CRYBB1: variants seen among roughly 807,000 people sequenced by gnomAD.
CRYBB1 encodes the protein crystallin beta B1, also known as beta-crystallin B1.
Under a neutral mutation model 29.5 loss-of-function variants are expected in CRYBB1, and 16 were observed. The ratio of observed to expected loss-of-function variants is 0.54; its 90% CI spans 0.37 to 0.82. CRYBB1 has a LOEUF of 0.82. Among genes scored for constraint, CRYBB1 ranks in the 40% least tolerant of loss-of-function variants. The probability of loss-of-function intolerance (pLI) is 0.00; values close to 1 mark genes in which losing one functional copy is unlikely to be tolerated. For missense variants in CRYBB1, 300 were observed against 350.5 expected (o/e 0.86, Z 1.15); for synonymous variants, 127 against 136.7 (o/e 0.93, Z 0.49).
intron 2 of CRYBB1, 116 bp from the exon 3 acceptor site, chr22:26,612,306 C>T (rs1929199612): frequency 2.8e-6 from 2 of 707,292 alleles, no homozygotes; most frequent in Non-Finnish European, 5.1e-6. Flanking sequence ...TGTGATGAGC[C>T]ACAGTTTGTG....
intron 2 of CRYBB1, 21 bp from the exon 3 acceptor site, chr22:26,612,211 T>C: frequency 6.4e-7 from 1 of 1,555,708 alleles, no homozygotes; most frequent in South Asian, 1.1e-5. Flanking sequence ...GAAGCCCCCA[T>C]GCCAAGGGCA....
Position 26,602,429 on chromosome 22 carries a change from A to T in CRYBB1, c.433-408T>A, listed in dbSNP as rs531563286. On this transcript the variant is annotated intron_variant, in intron 4 of 5. Coordinates refer to ENST00000647684, the MANE Select transcript of CRYBB1 (RefSeq NM_001887.4). ...CAAGATCCTGTCTCTCAAAAAAATA[A>T]TTTTTTTTTTAATTTGCCAGGCATG... is the stretch of plus-strand genomic sequence containing the variant. Among the ~76,000 whole-genome samples, 170 of 149,858 alleles carry T rather than the reference A, an allele frequency of 1.1e-3. 1 individual carries two copies. The highest frequency in any genetic ancestry group is 3.3e-3 in the African/African-American group (135 of 40,798).
intron 4 of CRYBB1, among the ~76,000 whole-genome samples, chr22:26,606,259 G>A (rs9613228): frequency 0.25 from 38,413 of 152,024 alleles, 5,189 homozygotes; most frequent in Non-Finnish European, 0.3. Context: ...TCTAGGCTTT[G>A]AGATTTCTAA....
intron 4 of CRYBB1, among the ~76,000 whole-genome samples, chr22:26,604,613 G>A (rs1208945136): frequency 6.6e-6 from 1 of 152,124 alleles, no homozygotes; most frequent in African/African-American, 2.4e-5. Flanking sequence ...AGGGAAGGAG[G>A]GTTGAGGGAA....
chr22:26,601,311 G>C (rs3830148), intron 5 of CRYBB1, among the ~76,000 whole-genome samples: 26,870 of 152,040 alleles, frequency 0.18, 3,114 homozygotes, highest in East Asian at 0.37. Flanking sequence ...GCTCCGTTTT[G>C]ATAGCTTCAG....
chr22:26,614,371 T>C (rs866186153), intron 2 of CRYBB1, among the ~76,000 whole-genome samples: 2 of 152,218 alleles, frequency 1.3e-5, no homozygotes, highest in South Asian at 4.1e-4. Flanking sequence ...TTTTTCTCTT[T>C]TGTACTCTGT....
At chr22:26,610,391 G>A (rs886780315) in intron 3 of CRYBB1, among the ~76,000 whole-genome samples, 3 of 151,994 alleles carry the variant, frequency 2.0e-5, no homozygotes, top group South Asian at 2.1e-4. Context: ...CCAGGCCCCC[G>A]GACCACAGGC....
At chr22:26,600,679 G>A (rs5761619) in intron 5 of CRYBB1, among the ~76,000 whole-genome samples, 3 of 152,224 alleles carry the variant, frequency 2.0e-5, no homozygotes, top group African/African-American at 7.2e-5. Flanking sequence ...GCACTCAATA[G>A]AAGTTATCAT....
At position 26,612,072 on chromosome 22, in the gene CRYBB1, G is replaced by C. The variant is rs375279619; in HGVS notation, c.299C>G (p.Pro100Arg). 7.5e-6 allele frequency: 12 copies of C among 1,607,672 alleles called. No individual in the cohort carries two copies. Among genetic ancestry groups the C allele is most frequent in the Non-Finnish European group, 1.0e-5 (12 of 1,174,798 alleles). The change falls in exon 3 of 6, where the codon CCC (proline) becomes CGC (arginine). Residue 100 changes from proline (P) to arginine (R), a missense_variant and splice_region_variant. Coordinates refer to ENST00000647684, the MANE Select transcript of CRYBB1 (RefSeq NM_001887.4). ...TGCCCCTCCGCCGCCCAGTACTCAC[G>C]GTCCCGCGGAGACAATGATGCTGCG... is the stretch of plus-strand genomic sequence containing the variant. ...RVRSIIVSAG[P>R]WVAFEQSNFR...
At position 26,616,250 on chromosome 22, in the gene CRYBB1, T is replaced by A. The variant is rs1469587987; in HGVS notation, c.70A>T (p.Lys24Ter). The change falls in exon 2 of 6, where the codon AAG becomes TAG. Residue 24 changes from lysine to a stop codon, truncating the protein, a stop_gained. Coordinates refer to ENST00000647684, the MANE Select transcript of CRYBB1 (RefSeq NM_001887.4). LOFTEE classifies it high-confidence loss of function. ...AVNPGPDTKG[K>*]GAPPAGTSPS... ...GATGTTCCTGCAGGTGGGGCCCCCT[T>A]CCCCTTGGTGTCAGGCCCTGGGTTC... 9 of 1,613,694 alleles carry A rather than the reference T, an allele frequency of 5.6e-6. No individual in the cohort carries two copies. The highest frequency in any genetic ancestry group is 1.3e-5 in the African/African-American group (1 of 74,864).
Position 26,602,026 on chromosome 22 carries a change from G to A in CRYBB1, c.433-5C>T, listed in dbSNP as rs1893352168. The stretch of plus-strand genomic sequence containing the variant: ...GATTTTGTGCTCCTGGGCATCCTGG[G>A]GAAAGAGAGGCCGGGTCAGGTGTGT... On this transcript the variant is annotated splice_polypyrimidine_tract_variant and splice_region_variant and intron_variant, in intron 4 of 5. Coordinates refer to ENST00000647684, the MANE Select transcript of CRYBB1 (RefSeq NM_001887.4). The A allele has an allele frequency of 6.2e-7, 1 of 1,613,586 alleles. No homozygotes were observed.
intron 3 of CRYBB1, among the ~76,000 whole-genome samples, chr22:26,608,577 G>T (rs183847087): frequency 3.3e-5 from 5 of 152,284 alleles, no homozygotes; most frequent in Admixed American, 3.3e-4. Context: ...ATTTTGTATG[G>T]ATACCTTTTA....
intron 2 of CRYBB1, among the ~76,000 whole-genome samples, chr22:26,614,411 A>T (rs117298144): frequency 0.013 from 1,970 of 152,282 alleles, 21 homozygotes; most frequent in Non-Finnish European, 0.018. Flanking sequence ...GCCGACGCTT[A>T]GGAAAAATAG....
chr22:26,609,629 T>G (rs962905482), intron 3 of CRYBB1, among the ~76,000 whole-genome samples: 1 of 152,084 alleles, frequency 6.6e-6, no homozygotes, highest in Non-Finnish European at 1.5e-5. Context: ...AATGGATGTA[T>G]GTATGGATAG....
chr22:26,610,577 GCTGAGGCTGCGTTGACCACA>G (rs1021452145), intron 3 of CRYBB1, among the ~76,000 whole-genome samples: 1 of 152,238 alleles, frequency 6.6e-6, no homozygotes, highest in Non-Finnish European at 1.5e-5. Context: ...TGAGGGTGGA[GCTGAGGCTGCGTTGACCACA>G]CTGAGGGTGC....
chr22:26,611,226 C>A (rs570253197), intron 3 of CRYBB1, among the ~76,000 whole-genome samples: 5 of 152,176 alleles, frequency 3.3e-5, no homozygotes, highest in Non-Finnish European at 7.4e-5. Context: ...AGACTCACCC[C>A]CTCTGAGCCT....
At chr22:26,611,649 T>C (rs1929169289) in intron 3 of CRYBB1, among the ~76,000 whole-genome samples, 1 of 151,778 alleles carries the variant, frequency 6.6e-6, no homozygotes, top group African/African-American at 2.4e-5. Context: ...TAATTTTTTG[T>C]ATTTTTAGTA....
chr22:26,616,039 G>C lies in CRYBB1; in HGVS notation c.180+101C>G, dbSNP rs370813581. On this transcript the variant is annotated intron_variant, in intron 2 of 5. Coordinates refer to ENST00000647684, the MANE Select transcript of CRYBB1 (RefSeq NM_001887.4). ...AAAAGGAGGAGAAAGAGGTGCGGAGGAGTAAGAGGTGAAAGAGGAAGAGGA... is the reference window on the plus strand; with the variant it reads ...AAAAGGAGGAGAAAGAGGTGCGGAGCAGTAAGAGGTGAAAGAGGAAGAGGA... 1.7e-5 allele frequency: 15 copies of C among 907,672 alleles called. No individual in the cohort carries two copies. In the East Asian group the frequency reaches 3.4e-4, roughly 21 times the overall value. The allele number at this position is 907,672 out of a possible 1,614,324, so 56.2% of individuals were successfully genotyped here.
chr22:26,609,755 A>G (rs552357510), intron 3 of CRYBB1, among the ~76,000 whole-genome samples: 76 of 152,336 alleles, frequency 5.0e-4, no homozygotes, highest in African/African-American at 1.8e-3. Context: ...TGTAGGAGTT[A>G]AGAGGACAGA....
Sources: allele counts gnomAD v4.1 joint callset (sites outside exome capture counted in the v4.1 genomes callset), GRCh38; gene constraint gnomAD v4.1.1; transcripts MANE v1.5; gene names NCBI Gene and HGNC (gene_info 2026-07-23, HGNC 2026-07-21).